Variants in SOS2 observed in about 807,000 individuals in gnomAD.
SOS2 encodes the protein son of sevenless homolog 2.
In SOS2, 65 loss-of-function variants were observed where a neutral mutation model predicts 148.2. The observed-to-expected ratio is 0.44, with a 90% CI of 0.36 to 0.54. SOS2 has a LOEUF of 0.54. Among genes scored for constraint, SOS2 ranks in the 20% least tolerant of loss-of-function variants. SOS2 has a pLI of 0.00. For missense variants in SOS2, 1,341 were observed against 1,590.2 expected, an observed-to-expected ratio of 0.84 and a Z score of 2.67; for synonymous variants, 539 against 537.1, an observed-to-expected ratio of 1.00 and a Z score of -0.05.
intron 1 of SOS2, among the ~76,000 whole-genome samples, chr14:50,226,499 C>CA (rs1887381770): frequency 6.6e-6 from 1 of 152,166 alleles, no homozygotes; most frequent in African/African-American, 2.4e-5. Context: ...ATTTTTAAAT[C>CA]AAAGCCCCTA....
chr14:50,178,542 C>G (rs977313519), intron 7 of SOS2, among the ~76,000 whole-genome samples: 3 of 151,688 alleles, frequency 2.0e-5, no homozygotes, highest in African/African-American at 4.8e-5. Flanking sequence ...CGGCTCACTG[C>G]AACCCCCACC....
intron 8 of SOS2, among the ~76,000 whole-genome samples, chr14:50,168,010 T>G (rs576026431): frequency 6.6e-6 from 1 of 152,372 alleles, no homozygotes; most frequent in East Asian, 1.9e-4. Context: ...CTGGTTGATC[T>G]TCCTCAATGA....
Position 50,172,618 on chromosome 14 carries a change from C to T in SOS2, c.1068+1836G>A, listed in dbSNP as rs568440656. Among the ~76,000 whole-genome samples the T allele has an allele frequency of 2.0e-4, 30 of 151,962 alleles. 1 individual carries two copies. Among genetic ancestry groups the T allele is most frequent in the African/African-American group, 7.0e-4 (29 of 41,448 alleles). On this transcript the variant is annotated intron_variant, in intron 8 of 22. Transcript: ENST00000216373. ...CCTAGCCTCAAGTCATTCCCTCCCCCTTGGACTCCTAAAGTGCTGGGATTA... is the reference window on the plus strand; with the variant it reads ...CCTAGCCTCAAGTCATTCCCTCCCCTTTGGACTCCTAAAGTGCTGGGATTA...
In SOS2 at chr14:50,153,256, C is replaced by T. The variant is rs1006960211; in HGVS notation, c.2058-83G>A. On this transcript the variant is annotated intron_variant, in intron 12 of 22. Coordinates refer to ENST00000216373, the MANE Select transcript of SOS2 (RefSeq NM_006939.4). ...TCCTTCTCTAATGCCACGATAATAG[C>T]TTTACATACAAGGGTCAACATAATA... 7 of 740,514 alleles carry T rather than the reference C, an allele frequency of 9.5e-6. No individual in the cohort carries two copies. The African/African-American group carries it at 1.1e-4, about 11-fold the overall frequency. 45.9% of individuals were successfully genotyped at this position (740,514 alleles called of 1,614,324 possible).
At chr14:50,222,860 G>C (rs1274060597) in intron 1 of SOS2, among the ~76,000 whole-genome samples, 1 of 152,200 alleles carries the variant, frequency 6.6e-6, no homozygotes, top group Non-Finnish European at 1.5e-5. Context: ...GAACAAAGGA[G>C]TGAAATGATC....
rs1885770866 is a variant in SOS2, at chr14:50,182,327, G to T, written c.858+136C>A. 6.8e-6 allele frequency: 5 copies of T among 730,268 alleles called. No individual in the cohort carries two copies. The South Asian group carries it at 8.8e-5, about 13-fold the overall frequency. The allele number at this position is 730,268 out of a possible 1,614,324, so 45.2% of individuals were successfully genotyped here. A position where few individuals can be genotyped will look rare whatever the true frequency, so the allele number is the denominator to read the frequency against. On this transcript the variant is annotated intron_variant, in intron 6 of 22. Transcript: ENST00000216373. ...TCCTGAGTCACTGGGACCACAGATG[G>T]GCACTACCATGCCTGGATAATTATT...
intron 1 of SOS2, chr14:50,215,465 C>A (rs1445889818): frequency 8.0e-7 from 1 of 1,247,998 alleles, no homozygotes. Context: ...ATTACCACGA[C>A]AGAACCAATT....
chr14:50,143,863 T>A (rs1019952796), intron 16 of SOS2, among the ~76,000 whole-genome samples: 4 of 151,188 alleles, frequency 2.6e-5, no homozygotes, highest in African/African-American at 9.7e-5. Flanking sequence ...CTCCCTATGT[T>A]GCCCAGGCTG....
upstream of SOS2, chr14:50,231,679 A>G (rs543439202): frequency 2.6e-3 from 415 of 162,718 alleles, 13 homozygotes; most frequent in South Asian, 0.036. Flanking sequence ...GGCGGTGAGC[A>G]GCGGCGGCGG....
chr14:50,220,034 C>T (rs933980791), intron 1 of SOS2, among the ~76,000 whole-genome samples: 5 of 151,236 alleles, frequency 3.3e-5, no homozygotes, highest in East Asian at 1.9e-4. Context: ...TTCTTGTTTT[C>T]GGTCTCCTCC....
At chr14:50,213,269 T>C (rs1388577661) in intron 1 of SOS2, among the ~76,000 whole-genome samples, 2 of 152,140 alleles carry the variant, frequency 1.3e-5, no homozygotes, top group Non-Finnish European at 2.9e-5. Flanking sequence ...AAAATCTTGA[T>C]AGGATATTTA....
chr14:50,136,709 C>G (rs4898649), intron 18 of SOS2, among the ~76,000 whole-genome samples: 32,506 of 151,630 alleles, frequency 0.21, 3,701 homozygotes, highest in East Asian at 0.48. Context: ...CCCACCTCAG[C>G]CTCCTGAGTA....
intron 1 of SOS2, among the ~76,000 whole-genome samples, chr14:50,212,401 G>A (rs1349480459): frequency 2.6e-5 from 4 of 152,232 alleles, no homozygotes; most frequent in African/African-American, 9.6e-5. Flanking sequence ...TTGAACCCAG[G>A]AGGCGGAGGT....
Position 50,174,479 on chromosome 14 carries a change from C to G in SOS2, c.1043G>C (p.Cys348Ser). The G allele has an allele frequency of 6.2e-7, 1 of 1,605,816 alleles. No homozygotes were observed. The highest frequency in any genetic ancestry group is 8.5e-7 in the Non-Finnish European group (1 of 1,173,952). Residue 348 changes from cysteine (C) to serine (S), a missense_variant, in exon 8 of 23, where the codon TGT becomes TCT. Physicochemically the swap from Cys to Ser is moderately radical, Grantham distance 112. Transcript: ENST00000216373. ...CTTTAGTAACTCAAAGTAGTGCCAA[C>G]AGTGATACACTGGCACCAGCATAAG... ...PRLMLVPVYH[C>S]WHYFELLKQL...
intron 4 of SOS2, among the ~76,000 whole-genome samples, chr14:50,194,190 T>C (rs1206996478): frequency 6.6e-6 from 1 of 152,230 alleles, no homozygotes; most frequent in Non-Finnish European, 1.5e-5. Flanking sequence ...TGCTGGAACA[T>C]AGCCCATGCT....
intron 5 of SOS2, 48 bp downstream of exon 5, chr14:50,188,449 T>C (rs770592331): frequency 8.3e-7 from 1 of 1,204,884 alleles, no homozygotes; most frequent in East Asian, 2.3e-5. Context: ...TTTAAGCTGG[T>C]CTGGTTTTTT....
chr14:50,148,553 C>T (rs1311515709), intron 14 of SOS2, among the ~76,000 whole-genome samples: 1 of 151,952 alleles, frequency 6.6e-6, no homozygotes, highest in Non-Finnish European at 1.5e-5. Flanking sequence ...TGAGAAAAAA[C>T]ATGATGCAGT....
intron 6 of SOS2, among the ~76,000 whole-genome samples, chr14:50,182,072 C>T (rs1033626630): frequency 6.6e-6 from 1 of 150,590 alleles, no homozygotes; most frequent in Admixed American, 6.6e-5. Flanking sequence ...ATAAATATTG[C>T]CATAAACACA....
intron 8 of SOS2, among the ~76,000 whole-genome samples, chr14:50,173,269 A>G (rs1171680314): frequency 6.6e-6 from 1 of 152,208 alleles, no homozygotes; most frequent in African/African-American, 2.4e-5. Context: ...TGGTAGTAAC[A>G]TTAAAATAAA....
Sources: gnomAD v4.1 joint callset for allele counts (sites outside exome capture counted in the v4.1 genomes callset) on GRCh38, gnomAD v4.1.1 for gene constraint, MANE v1.5 for transcripts, NCBI Gene and HGNC (gene_info 2026-07-23, HGNC 2026-07-21) for gene names.